The following GRM3 variants were observed in gnomAD, a reference collection of about 807,000 sequenced individuals.
GRM3 encodes the protein metabotropic glutamate receptor 3.
Under a neutral mutation model 70.5 loss-of-function variants are expected in GRM3, and 26 were observed. That is an observed-to-expected ratio of 0.37 (90% CI 0.27 to 0.51). GRM3 has a LOEUF of 0.51. Among genes scored for constraint, GRM3 ranks in the 20% least tolerant of loss-of-function variants. The pLI, the probability that GRM3 is intolerant of heterozygous loss-of-function variation, is 0.93. For missense variants in GRM3, 859 were observed against 1,123.8 expected (o/e 0.76, Z 3.37); for synonymous variants, 443 against 434.9 (o/e 1.02, Z -0.23).
Position 86,737,427 on chromosome 7 carries a change from G to C in GRM3, c.-140-27579G>C, listed in dbSNP as rs750616082. Among the ~76,000 whole-genome samples, 18 of 152,252 alleles carry C rather than the reference G, an allele frequency of 1.2e-4. No homozygotes were observed. The South Asian group carries it at 2.3e-3, about 19-fold the overall frequency. On this transcript the variant is annotated intron_variant, in intron 1 of 5. Coordinates refer to ENST00000361669, the MANE Select transcript of GRM3 (RefSeq NM_000840.3). ...ATATTCCGATGCTATGCTGTTTCTG[G>C]AACTGACTGAATCTCTCTGAACACT...
intron 2 of GRM3, among the ~76,000 whole-genome samples, chr7:86,780,485 T>C (rs536756099): frequency 6.6e-6 from 1 of 152,222 alleles, no homozygotes; most frequent in South Asian, 2.1e-4. Flanking sequence ...ACCTAAGTCC[T>C]GGATAAATTC....
intron 3 of GRM3, among the ~76,000 whole-genome samples, chr7:86,804,349 T>C (rs566281394): frequency 2.0e-5 from 3 of 152,362 alleles, no homozygotes; most frequent in Admixed American, 2.0e-4. Context: ...TCTGCTAATA[T>C]TTCAGAAGCA....
intron 1 of GRM3, among the ~76,000 whole-genome samples, chr7:86,659,359 A>C (rs1279716248): frequency 1.3e-5 from 2 of 152,040 alleles, no homozygotes; most frequent in Non-Finnish European, 2.9e-5. Flanking sequence ...ATCTATGTTA[A>C]CTCATTTAAT....
At chr7:86,706,517 C>T (rs1186318753) in intron 1 of GRM3, among the ~76,000 whole-genome samples, 1 of 151,988 alleles carries the variant, frequency 6.6e-6, no homozygotes. Flanking sequence ...TTATGAAAGG[C>T]TTTGTGGTGG....
At position 86,708,783 on chromosome 7, in the gene GRM3, A is replaced by G. The variant is rs147065026; in HGVS notation, c.-140-56223A>G. On this transcript the variant is annotated intron_variant, in intron 1 of 5. Transcript: ENST00000361669. Reference sequence around the variant, plus strand: ...TCATTAGAGAGCCCTCCTGACCAGAACATAACTGAGGCTGGCCAGAGTCTA... The same window carrying G: ...TCATTAGAGAGCCCTCCTGACCAGAGCATAACTGAGGCTGGCCAGAGTCTA... Among the ~76,000 whole-genome samples, 915 of 152,204 alleles carry G rather than the reference A, an allele frequency of 6.0e-3. 10 individuals are homozygous for G. The highest frequency in any genetic ancestry group is 0.021 in the African/African-American group (869 of 41,566).
At chr7:86,864,183 C>T (rs768307060) in intron 5 of GRM3, 99 bp from the exon 6 acceptor site, 104 of 730,022 alleles carry the variant, frequency 1.4e-4, no homozygotes, top group Non-Finnish European at 2.2e-4. Flanking sequence ...CCTTCCCACC[C>T]TTCCCCCCGA....
Position 86,858,990 on chromosome 7 carries a change from ACCTTT to A in GRM3, c.2567-5291_2567-5287del, listed in dbSNP as rs565262432. 6.8e-4 allele frequency among the ~76,000 whole-genome samples: 103 copies of A among 152,120 alleles called. 1 individual carries two copies. The highest frequency in any genetic ancestry group is 2.2e-3 in the African/African-American group (93 of 41,486). The stretch of plus-strand genomic sequence containing the variant: ...TTTCTTTTTTCTTGTTTTTGAAGAG[ACCTTT>A]TTCACTGACAGGATCTCATTCTGTC... On this transcript the variant is annotated intron_variant, in intron 5 of 5. Transcript: ENST00000361669.
chr7:86,827,704 A>G (rs945102153), intron 3 of GRM3, among the ~76,000 whole-genome samples: 6 of 152,088 alleles, frequency 3.9e-5, no homozygotes, highest in African/African-American at 1.4e-4. Flanking sequence ...AGTAGAGAAG[A>G]AGTTTCACTA....
intron 1 of GRM3, among the ~76,000 whole-genome samples, chr7:86,650,025 T>C (rs1288311246): frequency 6.6e-6 from 1 of 152,206 alleles, no homozygotes; most frequent in Non-Finnish European, 1.5e-5. Flanking sequence ...ATATTTAGGA[T>C]TTTAAATGTG....
chr7:86,762,491 G>A (rs1796503696), intron 1 of GRM3, among the ~76,000 whole-genome samples: 1 of 152,164 alleles, frequency 6.6e-6, no homozygotes, highest in Admixed American at 6.6e-5. Flanking sequence ...AAATGTTGAA[G>A]TAAACACTGG....
intron 3 of GRM3, among the ~76,000 whole-genome samples, chr7:86,788,014 A>G (rs1476288116): frequency 6.6e-6 from 1 of 152,234 alleles, no homozygotes; most frequent in African/African-American, 2.4e-5. Flanking sequence ...ATCCCAAATC[A>G]TAAAATATTA....
chr7:86,690,905 T>C (rs149066311), intron 1 of GRM3, among the ~76,000 whole-genome samples: 1 of 152,332 alleles, frequency 6.6e-6, no homozygotes, highest in East Asian at 1.9e-4. Context: ...TAGATATTTG[T>C]TATGTTTAAG....
intron 1 of GRM3, among the ~76,000 whole-genome samples, chr7:86,687,029 A>T (rs1794584230): frequency 6.6e-6 from 1 of 152,024 alleles, no homozygotes. Flanking sequence ...AGTGAACTAA[A>T]GACATGTCAA....
chr7:86,684,272 CCA>C (rs1274429675), intron 1 of GRM3, among the ~76,000 whole-genome samples: 2 of 152,118 alleles, frequency 1.3e-5, no homozygotes, highest in Admixed American at 1.3e-4. Context: ...GTCCACTAAG[CCA>C]CACAGTTTCC....
intron 1 of GRM3, among the ~76,000 whole-genome samples, chr7:86,668,581 A>G (rs1794090343): frequency 6.6e-6 from 1 of 152,024 alleles, no homozygotes; most frequent in African/African-American, 2.4e-5. Context: ...CTTTCTAATG[A>G]CCCCGTCTTT....
At chr7:86,844,056 TC>T (rs770619774) in intron 4 of GRM3, among the ~76,000 whole-genome samples, 89 of 152,254 alleles carry the variant, frequency 5.8e-4, no homozygotes, top group Non-Finnish European at 7.9e-4. Flanking sequence ...GACTCTAGAT[TC>T]TTTTGGGGGT....
intron 2 of GRM3, among the ~76,000 whole-genome samples, chr7:86,771,260 C>T (rs1454621591): frequency 2.0e-5 from 3 of 152,022 alleles, no homozygotes; most frequent in Non-Finnish European, 4.4e-5. Flanking sequence ...TTATATGTCA[C>T]TTTATGAAAA....
At chr7:86,748,597 G>A (rs1417816982) in intron 1 of GRM3, among the ~76,000 whole-genome samples, 1 of 152,030 alleles carries the variant, frequency 6.6e-6, no homozygotes, top group Admixed American at 6.6e-5. Context: ...GGTCAGCCTG[G>A]ATGATACCGG....
chr7:86,820,496 A>G (rs2116682808), intron 3 of GRM3, among the ~76,000 whole-genome samples: 1 of 152,248 alleles, frequency 6.6e-6, no homozygotes, highest in African/African-American at 2.4e-5. Context: ...TGGACAATTT[A>G]CTTCACTTAC....
Sources: allele counts gnomAD v4.1 joint callset (sites outside exome capture counted in the v4.1 genomes callset), GRCh38; gene constraint gnomAD v4.1.1; transcripts MANE v1.5; gene names NCBI Gene and HGNC (gene_info 2026-07-23, HGNC 2026-07-21).